Variants in NBAS observed in about 807,000 individuals in gnomAD.
NBAS encodes the protein NBAS subunit of NRZ tethering complex.
A neutral mutation model predicts 302.5 loss-of-function variants in NBAS; 219 were observed. The ratio of observed to expected loss-of-function variants is 0.72; its 90% confidence interval spans 0.65 to 0.81. The LOEUF is 0.81. NBAS is among the 30% of genes least tolerant of loss of function. NBAS has a pLI of 0.00. For synonymous variants in NBAS, 1,118 were observed against 1,021.6 expected, an observed-to-expected ratio of 1.09 and a Z score of -1.80; for missense variants, 2,932 against 2,841.6, an observed-to-expected ratio of 1.03 and a Z score of -0.72.
the NBAS span, among the ~76,000 whole-genome samples, chr2:15,051,895 C>G: frequency 1.3e-4 from 20 of 152,016 alleles, no homozygotes; most frequent in African/African-American, 4.8e-4. Context: ...CAACCCCTAC[C>G]TCTTTTTTTT....
At chr2:15,011,386 A>T in the NBAS span, among the ~76,000 whole-genome samples, 2,229 of 150,438 alleles carry the variant, frequency 0.015, 65 homozygotes, top group African/African-American at 0.052. Context: ...TGAAGAGCTA[A>T]AAAAAAAAGT....
chr2:14,948,767 A>C, the NBAS span, among the ~76,000 whole-genome samples: 1 of 152,020 alleles, frequency 6.6e-6, no homozygotes, highest in African/African-American at 2.4e-5. Context: ...GAACCACAAG[A>C]CTCGGAATAG....
At chr2:14,860,863 TAAAGA>T in the NBAS span, among the ~76,000 whole-genome samples, 6 of 152,158 alleles carry the variant, frequency 3.9e-5, no homozygotes, top group Non-Finnish European at 5.9e-5. Flanking sequence ...ATTAATAGCA[TAAAGA>T]AAAGACAAAA....
intron 10 of NBAS, 94 bp downstream of exon 10, chr2:15,511,118 C>A (rs1281398077): frequency 7.0e-7 from 1 of 1,438,200 alleles, no homozygotes; most frequent in Non-Finnish European, 9.7e-7. Context: ...GAAATTATTT[C>A]TTCCTCTATA....
At chr2:15,034,278 G>GAAAGAAAGAAAGAAAGAAAGAA in the NBAS span, among the ~76,000 whole-genome samples, 162 of 127,468 alleles carry the variant, frequency 1.3e-3, 12 homozygotes, top group Middle Eastern at 8.6e-3. Flanking sequence ...GAAAGAAAGA[G>GAAAGAAAGAAAGAAAGAAAGAA]AGAAAGAAAG....
the NBAS span, among the ~76,000 whole-genome samples, chr2:14,800,713 C>T: frequency 6.6e-6 from 1 of 150,740 alleles, no homozygotes; most frequent in Non-Finnish European, 1.5e-5. Flanking sequence ...TTTGCTTCTA[C>T]ATATTTTATA....
At chr2:14,824,771 G>C in the NBAS span, among the ~76,000 whole-genome samples, 1 of 152,080 alleles carries the variant, frequency 6.6e-6, no homozygotes, top group Admixed American at 6.6e-5. Context: ...CGGCGATTGC[G>C]ACTTGGAGGC....
chr2:14,880,316 T>C, the NBAS span, among the ~76,000 whole-genome samples: 1 of 151,950 alleles, frequency 6.6e-6, no homozygotes, highest in East Asian at 1.9e-4. Context: ...GAAATCACTA[T>C]AAGAGGAAAT....
intron 44 of NBAS, among the ~76,000 whole-genome samples, chr2:15,250,518 G>T (rs1354817515): frequency 6.6e-6 from 1 of 152,190 alleles, no homozygotes; most frequent in Non-Finnish European, 1.5e-5. Flanking sequence ...TCATCAGAGT[G>T]AACAGGCAGT....
intron 44 of NBAS, among the ~76,000 whole-genome samples, chr2:15,260,828 C>T (rs904713107): frequency 6.6e-6 from 1 of 150,914 alleles, no homozygotes; most frequent in African/African-American, 2.5e-5. Flanking sequence ...TATATATACA[C>T]AGACATATTT....
chr2:14,869,262 G>A, the NBAS span, among the ~76,000 whole-genome samples: 1 of 152,148 alleles, frequency 6.6e-6, no homozygotes, highest in Non-Finnish European at 1.5e-5. Context: ...CTGCTCAGAA[G>A]TGTGAGAGTT....
chr2:14,907,016 C>T, the NBAS span, among the ~76,000 whole-genome samples: 2 of 152,164 alleles, frequency 1.3e-5, no homozygotes, highest in South Asian at 2.1e-4. Flanking sequence ...AGGCAGGTGT[C>T]CATGCCTGTC....
chr2:15,282,953 A>G (rs1669887739), intron 42 of NBAS, among the ~76,000 whole-genome samples: 1 of 152,072 alleles, frequency 6.6e-6, no homozygotes, highest in Non-Finnish European at 1.5e-5. Context: ...CTCACATCCA[A>G]GAGAGGCCTT....
In NBAS at chr2:15,556,763, C is replaced by G; in HGVS notation, c.209+20G>C. 6.3e-7 allele frequency: 1 copy of G among 1,585,274 alleles called. No individual in the cohort carries two copies. Among genetic ancestry groups the G allele is most frequent in the Non-Finnish European group, 8.7e-7 (1 of 1,154,302 alleles). On this transcript the variant is annotated intron_variant, in intron 3 of 51. Coordinates refer to ENST00000281513, the MANE Select transcript of NBAS (RefSeq NM_015909.4). Reference sequence around the variant, plus strand: ...TATATTTGATGTTCATACTGTTTCTCTGAAGAACCGAAGACTCACCTGTAC... The same window carrying G: ...TATATTTGATGTTCATACTGTTTCTGTGAAGAACCGAAGACTCACCTGTAC...
chr2:14,915,295 A>G, the NBAS span, among the ~76,000 whole-genome samples: 1 of 152,252 alleles, frequency 6.6e-6, no homozygotes, highest in African/African-American at 2.4e-5. Context: ...CTGAAAAACA[A>G]TATGGCTAAT....
chr2:15,448,806 T>G (rs1455037684), intron 21 of NBAS, among the ~76,000 whole-genome samples: 1 of 152,050 alleles, frequency 6.6e-6, no homozygotes, highest in African/African-American at 2.4e-5. Flanking sequence ...TATCAGAAAT[T>G]AGAAAAAGGG....
chr2:15,273,167 G>A (rs186217724), intron 44 of NBAS, among the ~76,000 whole-genome samples: 1 of 152,252 alleles, frequency 6.6e-6, no homozygotes, highest in Admixed American at 6.5e-5. Flanking sequence ...CTGCCTGGGA[G>A]CAAAGTCACC....
the NBAS span, among the ~76,000 whole-genome samples, chr2:14,909,424 A>ATCACTT: frequency 1.3e-5 from 2 of 149,914 alleles, no homozygotes; most frequent in Admixed American, 6.7e-5. Context: ...ACAAAACCAG[A>ATCACTT]TCACTTTCAT....
chr2:15,161,992 C>T (rs1663910977), downstream of NBAS, among the ~76,000 whole-genome samples: 1 of 152,196 alleles, frequency 6.6e-6, no homozygotes, highest in African/African-American at 2.4e-5. Context: ...TTCCTCTCCT[C>T]CAGCCATTCC....
Sources: allele counts gnomAD v4.1 joint callset (sites outside exome capture counted in the v4.1 genomes callset), GRCh38; gene constraint gnomAD v4.1.1; transcripts MANE v1.5; gene names NCBI Gene and HGNC (gene_info 2026-07-23, HGNC 2026-07-21).